Variants in GALNT17 observed in about 807,000 individuals in gnomAD.
GALNT17 encodes polypeptide N-acetylgalactosaminyltransferase 17, also known as UDP-GalNAc:polypeptide N-acetylgalactosaminyltransferase-like 3.
A neutral mutation model predicts 63.7 loss-of-function variants in GALNT17; 29 were observed. The ratio of observed to expected loss-of-function variants is 0.46; its 90% confidence interval spans 0.34 to 0.62. The LOEUF is 0.62. Among genes scored for constraint, GALNT17 ranks in the 20% least tolerant of loss-of-function variants. GALNT17 has a pLI of 0.01. For synonymous variants in GALNT17, 305 were observed against 318.3 expected (o/e 0.96, Z 0.45); for missense variants, 603 against 799.6 (o/e 0.75, Z 2.97).
At chr7:71,560,815 C>T (rs11767799) in intron 5 of GALNT17, among the ~76,000 whole-genome samples, 77,500 of 151,874 alleles carry the variant, frequency 0.51, 20,534 homozygotes, top group African/African-American at 0.64. Flanking sequence ...TCAAATTGAG[C>T]ACATTCCTAT....
rs1393367997 is a variant in GALNT17 at position 71,298,522 on chromosome 7, G to T, written c.239-37028G>T. On this transcript the variant is annotated intron_variant, in intron 1 of 10. Coordinates refer to ENST00000333538, the MANE Select transcript of GALNT17 (RefSeq NM_022479.3). ...ACGCGAGTCTTACACTGTGGCATCT[G>T]CTCCTTTTTCTTTCTGGTTCAGAAA... Among the ~76,000 whole-genome samples, 5 of 152,264 alleles carry T rather than the reference G, an allele frequency of 3.3e-5. No homozygotes were observed. The South Asian group carries it at 6.2e-4, about 19-fold the overall frequency.
rs1317240677 is a variant in GALNT17, at chr7:71,206,217, A to G, written c.238+73177A>G. Among the ~76,000 whole-genome samples the G allele has an allele frequency of 3.3e-5, 5 of 151,470 alleles. No individual in the cohort carries two copies. In the East Asian group the frequency reaches 9.7e-4, roughly 29 times the overall value. ...CCAAGTGGTTATCTTGTGCTCATGA[A>G]TTTGTACTCATAAATTCAGCTCTGT... On this transcript the variant is annotated intron_variant, in intron 1 of 10. Transcript: ENST00000333538.
intron 5 of GALNT17, among the ~76,000 whole-genome samples, chr7:71,511,223 C>T (rs966067978): frequency 5.9e-5 from 9 of 151,866 alleles, no homozygotes; most frequent in Admixed American, 3.9e-4. Flanking sequence ...AGGACAGGGC[C>T]GAGCATCTCA....
chr7:71,523,787 T>A (rs148263379), intron 5 of GALNT17, among the ~76,000 whole-genome samples: 1,671 of 120,498 alleles, frequency 0.014, 15 homozygotes, highest in South Asian at 0.028. Flanking sequence ...AAATAAATAA[T>A]AAAGAAAAGA....
chr7:71,690,217 G>T lies in GALNT17; in HGVS notation c.1500+12911G>T, dbSNP rs552352487. Among the ~76,000 whole-genome samples the T allele has an allele frequency of 2.6e-5, 4 of 151,904 alleles. No homozygotes were observed. The South Asian group carries it at 8.3e-4, about 32-fold the overall frequency. On this transcript the variant is annotated intron_variant, in intron 9 of 10. Transcript: ENST00000333538. ...TTTTTCTATTTTTAGTAGAGACAGG[G>T]TTTCCACCATGTTGGCCAGGATGGT...
chr7:71,345,788 T>C (rs184747885), intron 2 of GALNT17, among the ~76,000 whole-genome samples: 1 of 152,270 alleles, frequency 6.6e-6, no homozygotes, highest in Non-Finnish European at 1.5e-5. Flanking sequence ...CTGATTATAG[T>C]AGCTGCAGTG....
At chr7:71,577,640 C>T (rs1219076878) in intron 6 of GALNT17, among the ~76,000 whole-genome samples, 4 of 152,040 alleles carry the variant, frequency 2.6e-5, no homozygotes, top group Admixed American at 6.5e-5. Flanking sequence ...ACTCTGAGTC[C>T]GTGTTGGCTT....
At chr7:71,434,709 G>A (rs1786927350) in intron 5 of GALNT17, among the ~76,000 whole-genome samples, 1 of 152,136 alleles carries the variant, frequency 6.6e-6, no homozygotes, top group South Asian at 2.1e-4. Flanking sequence ...AACTTCACCA[G>A]CATTGAAATG....
intron 6 of GALNT17, among the ~76,000 whole-genome samples, chr7:71,631,822 C>T (rs1311240039): frequency 2.0e-5 from 3 of 152,056 alleles, no homozygotes; most frequent in Non-Finnish European, 4.4e-5. Context: ...TCGCAGGGTG[C>T]CCGGATTAAA....
chr7:71,186,476 CT>C (rs1788853401), intron 1 of GALNT17, among the ~76,000 whole-genome samples: 1 of 152,210 alleles, frequency 6.6e-6, no homozygotes, highest in Admixed American at 6.5e-5. Flanking sequence ...TATCTTTGCT[CT>C]TCTTTGGACA....
At chr7:71,186,428 G>A (rs549775827) in intron 1 of GALNT17, among the ~76,000 whole-genome samples, 4 of 152,180 alleles carry the variant, frequency 2.6e-5, no homozygotes, top group East Asian at 3.9e-4. Flanking sequence ...TAAGCTGAGC[G>A]GGGCCTCTGC....
chr7:71,527,743 A>G (rs1484416801), intron 5 of GALNT17, among the ~76,000 whole-genome samples: 5 of 152,210 alleles, frequency 3.3e-5, no homozygotes, highest in Non-Finnish European at 7.3e-5. Flanking sequence ...ATACTTAAAC[A>G]CTGGCACGTG....
rs139773882 is a variant in GALNT17, at chr7:71,465,304, C to G, written c.962+44199C>G. Among the ~76,000 whole-genome samples the G allele has an allele frequency of 5.1e-3, 769 of 152,240 alleles. 4 individuals are homozygous for G. Among genetic ancestry groups the G allele is most frequent in the African/African-American group, 0.015 (642 of 41,546 alleles). ...GTTAAATATAAACTAAATTCCTTCC[C>G]TAGTTAGCTCAGCCTACGTGCAGAG... is the stretch of plus-strand genomic sequence containing the variant. On this transcript the variant is annotated intron_variant, in intron 5 of 10. Transcript: ENST00000333538.
intron 5 of GALNT17, among the ~76,000 whole-genome samples, chr7:71,491,031 C>G (rs1787997236): frequency 6.6e-6 from 1 of 151,820 alleles, no homozygotes. Flanking sequence ...CCCGTCTCTA[C>G]TAAAAATACA....
At chr7:71,577,026 C>A (rs1789550483) in intron 6 of GALNT17, among the ~76,000 whole-genome samples, 2 of 152,200 alleles carry the variant, frequency 1.3e-5, no homozygotes, top group African/African-American at 4.8e-5. Flanking sequence ...GAATACCATG[C>A]AACCCTAAAA....
intron 1 of GALNT17, among the ~76,000 whole-genome samples, chr7:71,195,012 A>G (rs1460562712): frequency 6.6e-6 from 1 of 152,194 alleles, no homozygotes; most frequent in African/African-American, 2.4e-5. Context: ...AGCTTTGGCC[A>G]GGGGTTGATG....
At chr7:71,414,577 G>A (rs902898877) in intron 3 of GALNT17, among the ~76,000 whole-genome samples, 2 of 151,992 alleles carry the variant, frequency 1.3e-5, no homozygotes, top group Non-Finnish European at 2.9e-5. Flanking sequence ...CTGAAGTCTC[G>A]CAACTTCTTA....
At chr7:71,288,627 C>T (rs1278458236) in intron 1 of GALNT17, among the ~76,000 whole-genome samples, 1 of 152,112 alleles carries the variant, frequency 6.6e-6, no homozygotes, top group Non-Finnish European at 1.5e-5. Context: ...GCAGCATGCT[C>T]AGGGGCCCAA....
chr7:71,504,574 AT>A, intron 5 of GALNT17, among the ~76,000 whole-genome samples: 1 of 150,764 alleles, frequency 6.6e-6, no homozygotes, highest in South Asian at 2.2e-4. Flanking sequence ...TTATTTACAT[AT>A]TTTGCAGTTT....
Sources: gnomAD v4.1 joint callset for allele counts (sites outside exome capture counted in the v4.1 genomes callset) on GRCh38, gnomAD v4.1.1 for gene constraint, MANE v1.5 for transcripts, NCBI Gene and HGNC (gene_info 2026-07-23, HGNC 2026-07-21) for gene names.